Variants in PDZD8 observed in about 807,000 individuals in gnomAD.
The protein encoded by PDZD8 is PDZ domain containing 8, also known as PDZ domain-containing protein 8.
In PDZD8, 14 loss-of-function variants were observed where a neutral mutation model predicts 85.8. That is an observed-to-expected ratio of 0.16 (90% CI 0.11 to 0.26). The LOEUF is 0.26. Among genes scored for constraint, PDZD8 ranks in the 10% least tolerant of loss-of-function variants. The probability of loss-of-function intolerance (pLI) is 1.00; values close to 1 mark genes in which losing one functional copy is unlikely to be tolerated. For synonymous variants in PDZD8, 592 were observed against 568.6 expected (o/e 1.04, Z -0.59); for missense variants, 1,197 against 1,424.3 (o/e 0.84, Z 2.57).
At chr10:117,316,881 A>G (rs1419359381) in intron 3 of PDZD8, among the ~76,000 whole-genome samples, 2 of 152,170 alleles carry the variant, frequency 1.3e-5, no homozygotes, top group Non-Finnish European at 2.9e-5. Context: ...CCAATGAGAT[A>G]TAACTGGAAA....
Position 117,284,824 on chromosome 10 carries a change from T to C in PDZD8, c.1909A>G (p.Lys637Glu), listed in dbSNP as rs1844631905. Residue 637 changes from lysine (K) to glutamate (E), a missense_variant, in exon 5 of 5, where the codon AAA becomes GAA. This residue lies in a region of PDZD8 where 263 missense variants were observed against 261.9 expected (regional missense o/e 1.00). Coordinates refer to ENST00000334464, the MANE Select transcript of PDZD8 (RefSeq NM_173791.5). ...LVDKSAEKQA[K>E]NVDAIDDAAA... ...GCATCGTCTATGGCATCCACATTTT[T>C]TGCTTGCTTTTCAGCAGATTTATCT... The C allele has an allele frequency of 1.2e-6, 2 of 1,614,088 alleles. No homozygotes were observed. Among genetic ancestry groups the C allele is most frequent in the African/African-American group, 2.7e-5 (2 of 74,930 alleles).
Position 117,310,268 on chromosome 10 carries a change from T to C in PDZD8, c.1098+8604A>G, listed in dbSNP as rs182642347. On this transcript the variant is annotated intron_variant, in intron 3 of 4. Transcript: ENST00000334464. Reference sequence around the variant, plus strand: ...ACCGCCTTAATATATTCTTTTCTTGTTTTCCCAAAAGAATGTTACTTCTCC... The same window carrying C: ...ACCGCCTTAATATATTCTTTTCTTGCTTTCCCAAAAGAATGTTACTTCTCC... 4.1e-4 allele frequency among the ~76,000 whole-genome samples: 63 copies of C among 152,228 alleles called. 1 individual carries two copies. The highest frequency in any genetic ancestry group is 1.5e-3 in the African/African-American group (63 of 41,542).
intron 1 of PDZD8, among the ~76,000 whole-genome samples, chr10:117,353,757 G>GA (rs1844846812): frequency 6.6e-6 from 1 of 150,496 alleles, no homozygotes; most frequent in African/African-American, 2.5e-5. Context: ...GATGAGGGAG[G>GA]GGGGTGAGGG....
Position 117,374,846 on chromosome 10 carries a change from C to G in PDZD8, c.382G>C (p.Glu128Gln), listed in dbSNP as rs746941473. ...WVTKKIKVEF[E>Q]ELLQTKTAGR... ...GCCGTCTTGGTCTGCAGCAGCTCCT[C>G]GAACTCCACCTTGATCTTCTTGGTG... Residue 128 changes from glutamate to glutamine, a missense_variant, in exon 1 of 5, where the codon GAG (glutamate) becomes CAG (glutamine). Coordinates refer to ENST00000334464, the MANE Select transcript of PDZD8 (RefSeq NM_173791.5). This position sits in a 1 kb window ranked among gnomAD's most constrained non-coding sequence, Gnocchi z 7.8. 4 of 1,613,486 alleles carry G rather than the reference C, an allele frequency of 2.5e-6. No homozygotes were observed. The highest frequency in any genetic ancestry group is 1.7e-5 in the Admixed American group (1 of 60,006).
intron 1 of PDZD8, among the ~76,000 whole-genome samples, chr10:117,354,148 T>A (rs946467791): frequency 2.0e-5 from 3 of 152,192 alleles, no homozygotes; most frequent in Non-Finnish European, 4.4e-5. Context: ...TTGTTCTGTG[T>A]TCCTCATTGG....
intron 3 of PDZD8, among the ~76,000 whole-genome samples, chr10:117,302,367 T>G (rs951553626): frequency 1.3e-5 from 2 of 152,354 alleles, no homozygotes; most frequent in Non-Finnish European, 2.9e-5. Context: ...ATGCACACAA[T>G]CACACCATCT....
At chr10:117,311,800 G>C (rs1844041269) in intron 3 of PDZD8, among the ~76,000 whole-genome samples, 1 of 151,874 alleles carries the variant, frequency 6.6e-6, no homozygotes, top group African/African-American at 2.4e-5. Flanking sequence ...ACAGTTCTAA[G>C]AAGTTACTAT....
At chr10:117,300,696 G>A (rs1843832010) in intron 3 of PDZD8, among the ~76,000 whole-genome samples, 1 of 152,260 alleles carries the variant, frequency 6.6e-6, no homozygotes, top group Middle Eastern at 3.4e-3. Flanking sequence ...ATTGTATTAG[G>A]AGATGGGGTC....
At position 117,288,649 on chromosome 10, in the gene PDZD8, C is replaced by T. The variant is rs191667585; in HGVS notation, c.1261+1537G>A. ...TCAGCCTCCTGAGTAGCTGGGATTA[C>T]AGGCGCCTGCCACCATGCCCAGCTA... On this transcript the variant is annotated intron_variant, in intron 4 of 4. Transcript: ENST00000334464. Among the ~76,000 whole-genome samples the T allele has an allele frequency of 1.0e-2, 1,516 of 152,246 alleles. 14 individuals are homozygous for T. Among genetic ancestry groups the T allele is most frequent in the Non-Finnish European group, 0.015 (1,028 of 68,026 alleles).
intron 1 of PDZD8, among the ~76,000 whole-genome samples, chr10:117,358,799 A>G (rs1844943738): frequency 6.6e-6 from 1 of 152,182 alleles, no homozygotes; most frequent in African/African-American, 2.4e-5. Flanking sequence ...TATTTTATAG[A>G]GCTATGTAAG....
intron 1 of PDZD8, among the ~76,000 whole-genome samples, chr10:117,360,453 C>A (rs976783123): frequency 6.6e-6 from 1 of 151,972 alleles, no homozygotes; most frequent in Non-Finnish European, 1.5e-5. Context: ...TCTCTACCAG[C>A]CCCCCAACAC....
rs1406890745 is a variant in PDZD8 at position 117,311,859 on chromosome 10, T to C, written c.1098+7013A>G. On this transcript the variant is annotated intron_variant, in intron 3 of 4. Transcript: ENST00000334464. ...CAGGGGGAGGAAGAGGTGGTATTAG[T>C]AGAGGCCAGAGGCTACAGTATCAAG... Among the ~76,000 whole-genome samples the C allele has an allele frequency of 2.6e-5, 4 of 151,360 alleles. No homozygotes were observed. In the East Asian group the frequency reaches 6.0e-4, roughly 23 times the overall value.
intron 2 of PDZD8, among the ~76,000 whole-genome samples, chr10:117,323,249 C>T (rs1405308971): frequency 6.6e-6 from 1 of 152,102 alleles, no homozygotes; most frequent in African/African-American, 2.4e-5. Context: ...AAAGAAACAA[C>T]AGGATTCAAA....
Position 117,312,464 on chromosome 10 carries a change from C to T in PDZD8, c.1098+6408G>A, listed in dbSNP as rs1844055292. On this transcript the variant is annotated intron_variant, in intron 3 of 4. Coordinates refer to ENST00000334464, the MANE Select transcript of PDZD8 (RefSeq NM_173791.5). ...CTTTCCTCCCAGGACATTCACTAAA[C>T]TGCAACAAGCCAGAAACTCTACTAG... Among the ~76,000 whole-genome samples, 3 of 152,108 alleles carry T rather than the reference C, an allele frequency of 2.0e-5. No individual in the cohort carries two copies. The South Asian group carries it at 6.2e-4, about 32-fold the overall frequency.
chr10:117,350,438 G>C (rs770302130), intron 1 of PDZD8, among the ~76,000 whole-genome samples: 12 of 150,852 alleles, frequency 8.0e-5, no homozygotes, highest in Middle Eastern at 3.2e-3. Context: ...GTTAATTTTT[G>C]TATTTTTAGT....
At chr10:117,339,843 C>A (rs1410031267) in intron 2 of PDZD8, among the ~76,000 whole-genome samples, 1 of 152,044 alleles carries the variant, frequency 6.6e-6, no homozygotes, top group African/African-American at 2.4e-5. Context: ...AGGGGCTGGG[C>A]GGAGGATGGT....
At chr10:117,327,672 A>G (rs1044182127) in intron 2 of PDZD8, among the ~76,000 whole-genome samples, 2 of 152,312 alleles carry the variant, frequency 1.3e-5, no homozygotes, top group African/African-American at 4.8e-5. Flanking sequence ...AAGCCAATTC[A>G]ATCTATAATT....
chr10:117,312,122 G>A (rs900735394), intron 3 of PDZD8, among the ~76,000 whole-genome samples: 10 of 152,078 alleles, frequency 6.6e-5, no homozygotes, highest in African/African-American at 2.4e-4. Flanking sequence ...GAATGTATCC[G>A]AGGGCAAACA....
At chr10:117,309,386 G>A (rs558571039) in intron 3 of PDZD8, among the ~76,000 whole-genome samples, 100 of 69,412 alleles carry the variant, frequency 1.4e-3, no homozygotes, top group Non-Finnish European at 2.7e-3. Context: ...AATAACAGCA[G>A]TAAAAATTAA....
Sources: gnomAD v4.1 joint callset for allele counts (sites outside exome capture counted in the v4.1 genomes callset) on GRCh38, gnomAD v4.1.1 for gene constraint, gnomAD v4.1.1 regional missense constraint, Gnocchi (gnomAD v3.1) non-coding constraint, MANE v1.5 for transcripts, NCBI Gene and HGNC (gene_info 2026-07-23, HGNC 2026-07-21) for gene names.